ABCC1: variants seen among roughly 807,000 people sequenced by gnomAD.
ABCC1 encodes the protein multidrug resistance-associated protein 1.
Under a neutral mutation model 172.9 loss-of-function variants are expected in ABCC1, and 83 were observed. The observed-to-expected ratio is 0.48, with a 90% CI of 0.40 to 0.58. ABCC1 has a LOEUF of 0.58. Ranked by LOEUF, ABCC1 falls within the 20% of genes least tolerant of loss-of-function variation. ABCC1 has a pLI of 0.00. For missense variants in ABCC1, 1,817 were observed against 2,002.7 expected (o/e 0.91, Z 1.77); for synonymous variants, 937 against 825.2 (o/e 1.14, Z -2.32).
At chr16:15,978,651 T>A (rs1170244142) in intron 1 of ABCC1, among the ~76,000 whole-genome samples, 2 of 152,236 alleles carry the variant, frequency 1.3e-5, no homozygotes, top group African/African-American at 4.8e-5. Flanking sequence ...AGCTCAGTAA[T>A]TTTTTTAAAT....
intron 1 of ABCC1, among the ~76,000 whole-genome samples, chr16:15,999,798 T>TCTCTCTCTCC (rs1341229581): frequency 3.0e-5 from 1 of 33,228 alleles, no homozygotes; most frequent in Non-Finnish European, 8.7e-5. Flanking sequence ...TCTCTCTCTC[T>TCTCTCTCTCC]CTCTCTCTCT....
chr16:15,949,841 G>A, intron 1 of ABCC1, 42 bp downstream of exon 1: 3 of 1,189,694 alleles, frequency 2.5e-6, no homozygotes, highest in Non-Finnish European at 3.1e-6. Context: ...GACGGAGGGA[G>A]GCCGGCGGGG....
At position 16,111,271 on chromosome 16, in the gene ABCC1, G is replaced by A. The variant is rs1459326848; in HGVS notation, c.2872-104G>A. On this transcript the variant is annotated intron_variant, in intron 21 of 30. Coordinates refer to ENST00000399410, the MANE Select transcript of ABCC1 (RefSeq NM_004996.4). ...GTGTTCTACGTAGGAGCAAAGGCAGGCAGCTGGGTGGCACAGTGCTGGTGA... is the reference window on the plus strand; with the variant it reads ...GTGTTCTACGTAGGAGCAAAGGCAGACAGCTGGGTGGCACAGTGCTGGTGA... 1.0e-5 allele frequency: 9 copies of A among 900,502 alleles called. No homozygotes were observed. In the Admixed American group the frequency reaches 1.5e-4, roughly 15 times the overall value. 55.8% of individuals were successfully genotyped at this position (900,502 alleles called of 1,614,324 possible). A position where few individuals can be genotyped will look rare whatever the true frequency, so the allele number is the denominator to read the frequency against.
chr16:16,022,736 C>T (rs1476674305), intron 5 of ABCC1, among the ~76,000 whole-genome samples: 4 of 152,040 alleles, frequency 2.6e-5, no homozygotes, highest in South Asian at 2.1e-4. Context: ...GTAATATTTT[C>T]CCCCCAGCAT....
chr16:15,971,317 C>T lies in ABCC1; in HGVS notation c.48+21518C>T, dbSNP rs535305604. 3.9e-5 allele frequency among the ~76,000 whole-genome samples: 6 copies of T among 152,200 alleles called. No homozygotes were observed. The East Asian group carries it at 5.8e-4, about 15-fold the overall frequency. ...CTGCACACTTGGGGAGGTGTGGTGG[C>T]GGCCATGTTGCTAGGAACATGTGGG... On this transcript the variant is annotated intron_variant, in intron 1 of 30. Transcript: ENST00000399410.
chr16:15,990,564 C>A (rs560792356), intron 1 of ABCC1, among the ~76,000 whole-genome samples: 1 of 152,116 alleles, frequency 6.6e-6, no homozygotes, highest in Non-Finnish European at 1.5e-5. Context: ...TGAGTGAGAT[C>A]TTGCAGTGTT....
At chr16:16,065,947 ATG>A (rs949102245) in intron 12 of ABCC1, among the ~76,000 whole-genome samples, 2 of 150,540 alleles carry the variant, frequency 1.3e-5, no homozygotes, top group Non-Finnish European at 2.9e-5. Flanking sequence ...TTTTTGTGTG[ATG>A]TGTGGTGGTG....
At chr16:15,994,044 C>A (rs2046966965) in intron 1 of ABCC1, among the ~76,000 whole-genome samples, 2 of 152,232 alleles carry the variant, frequency 1.3e-5, no homozygotes, top group South Asian at 4.1e-4. Flanking sequence ...CATGGTAAAA[C>A]CCTGAATCTA....
At chr16:16,122,239 C>T (rs543540591) in intron 24 of ABCC1, 65 bp downstream of exon 24, 25 of 1,564,402 alleles carry the variant, frequency 1.6e-5, no homozygotes, top group Admixed American at 1.5e-4. Context: ...CTCTTTGCCT[C>T]GATCTTTTCC....
At position 16,106,733 on chromosome 16, in the gene ABCC1, T is replaced by C; in HGVS notation, c.2736-5T>C. On this transcript the variant is annotated splice_polypyrimidine_tract_variant and splice_region_variant and intron_variant, in intron 20 of 30. Coordinates refer to ENST00000399410, the MANE Select transcript of ABCC1 (RefSeq NM_004996.4). ...GGTTGACACCCTTGTGCTTTGCTTCTCCAGACAGCTCAGCAGCTCCTCCTC... is the reference window on the plus strand; with the variant it reads ...GGTTGACACCCTTGTGCTTTGCTTCCCCAGACAGCTCAGCAGCTCCTCCTC... 1.2e-6 allele frequency: 2 copies of C among 1,613,932 alleles called. No homozygotes were observed. The highest frequency in any genetic ancestry group is 1.7e-6 in the Non-Finnish European group (2 of 1,180,028).
rs753425055 is a variant in ABCC1, at chr16:16,048,197, A to G, written c.1274A>G (p.Asn425Ser). 23 of 1,614,160 alleles carry G rather than the reference A, an allele frequency of 1.4e-5. 1 individual carries two copies. Among genetic ancestry groups the G allele is most frequent in the South Asian group, 6.6e-5 (6 of 91,080 alleles). The change falls in exon 10 of 31, where the codon AAC (asparagine) becomes AGC (serine). Residue 425 changes from asparagine (N) to serine (S), a missense_variant. Transcript: ENST00000399410. ...RKSSTVGEIV[N>S]LMSVDAQRFM... ...TCCTCCACGGTCGGGGAGATTGTCA[A>G]CCTCATGTCTGTGGACGCTCAGAGG...
rs117220271 is a variant in ABCC1, at chr16:16,085,359, G to A, written c.2293-1465G>A. Among the ~76,000 whole-genome samples the A allele has an allele frequency of 9.8e-5, 15 of 152,342 alleles. No homozygotes were observed. In the East Asian group the frequency reaches 2.7e-3, roughly 27 times the overall value. ...TGGTCGTCTGGTGTGTCCCCTCTTG[G>A]AAGACCAAGAGTGCAAAGCACTGGC... On this transcript the variant is annotated intron_variant, in intron 17 of 30. Transcript: ENST00000399410.
chr16:16,129,529 G>GTT (rs869030931), intron 26 of ABCC1, among the ~76,000 whole-genome samples: 1 of 144,852 alleles, frequency 6.9e-6, no homozygotes, highest in Non-Finnish European at 1.5e-5. Flanking sequence ...TGGTGGTGGG[G>GTT]TTTTTTTTTG....
chr16:16,104,253 A>G (rs2051951283), intron 20 of ABCC1, among the ~76,000 whole-genome samples: 1 of 152,170 alleles, frequency 6.6e-6, no homozygotes, highest in African/African-American at 2.4e-5. Flanking sequence ...TCTGGCAGCC[A>G]GCTTTTATTC....
At chr16:16,033,582 G>T (rs552656953) in intron 6 of ABCC1, among the ~76,000 whole-genome samples, 1 of 152,094 alleles carries the variant, frequency 6.6e-6, no homozygotes, top group Non-Finnish European at 1.5e-5. Context: ...CACATGTGCA[G>T]ATCAGCAGTG....
At chr16:16,005,954 A>G (rs1404900645) in intron 1 of ABCC1, among the ~76,000 whole-genome samples, 2 of 151,784 alleles carry the variant, frequency 1.3e-5, no homozygotes, top group Non-Finnish European at 2.9e-5. Flanking sequence ...AGATCATGCC[A>G]CTGCATTCCA....
chr16:16,136,257 T>C (rs2045913392), intron 28 of ABCC1, among the ~76,000 whole-genome samples: 1 of 151,946 alleles, frequency 6.6e-6, no homozygotes, highest in African/African-American at 2.4e-5. Flanking sequence ...CTCCTGACCT[T>C]AAGTGATCCA....
intron 1 of ABCC1, among the ~76,000 whole-genome samples, chr16:15,993,997 G>C (rs2151643569): frequency 6.6e-6 from 1 of 152,236 alleles, no homozygotes; most frequent in South Asian, 2.1e-4. Context: ...CTGGGAGGCC[G>C]AGGCGGGCAG....
At chr16:16,091,530 T>C (rs2051257696) in intron 19 of ABCC1, among the ~76,000 whole-genome samples, 1 of 151,980 alleles carries the variant, frequency 6.6e-6, no homozygotes, top group Non-Finnish European at 1.5e-5. Flanking sequence ...AGGGAAACCC[T>C]CTCTGGGGAG....
Sources: gnomAD v4.1 joint callset for allele counts (sites outside exome capture counted in the v4.1 genomes callset) on GRCh38, gnomAD v4.1.1 for gene constraint, MANE v1.5 for transcripts, NCBI Gene and HGNC (gene_info 2026-07-23, HGNC 2026-07-21) for gene names.